FAM184B: variants seen among roughly 807,000 people sequenced by gnomAD.
FAM184B encodes the protein protein FAM184B.
FAM184B carries 111 observed loss-of-function variants against 135.9 expected under a neutral mutation model. That is an observed-to-expected ratio of 0.82 (90% CI 0.70 to 0.96). The LOEUF is 0.96. FAM184B is among the 40% of genes least tolerant of loss of function. The probability of loss-of-function intolerance (pLI) is 0.00; values close to 1 mark genes in which losing one functional copy is unlikely to be tolerated. For synonymous variants in FAM184B, 552 were observed against 524.8 expected (o/e 1.05, Z -0.71); for missense variants, 1,375 against 1,323.9 (o/e 1.04, Z -0.60).
At chr4:17,640,710 C>A (rs1027524661) in intron 13 of FAM184B, among the ~76,000 whole-genome samples, 1 of 152,126 alleles carries the variant, frequency 6.6e-6, no homozygotes, top group African/African-American at 2.4e-5. Flanking sequence ...TGCTAAAGCT[C>A]ACTTAAGAAA....
chr4:17,773,288 C>T (rs1040017684), intron 1 of FAM184B, among the ~76,000 whole-genome samples: 1 of 152,168 alleles, frequency 6.6e-6, no homozygotes, highest in Non-Finnish European at 1.5e-5. Flanking sequence ...ACTAAAGAAT[C>T]GTAAGGTGTT....
At chr4:17,766,740 G>A (rs551675021) in intron 1 of FAM184B, among the ~76,000 whole-genome samples, 2 of 152,358 alleles carry the variant, frequency 1.3e-5, no homozygotes, top group Non-Finnish European at 2.9e-5. Context: ...AGCCCAGCTG[G>A]TTTCACCTAG....
intron 7 of FAM184B, among the ~76,000 whole-genome samples, chr4:17,685,879 A>C (rs1577260213): frequency 6.6e-6 from 1 of 152,176 alleles, no homozygotes; most frequent in South Asian, 2.1e-4. Context: ...GCTCATGGAC[A>C]TCGTGACCAT....
At chr4:17,638,723 C>T (rs899458936) in intron 14 of FAM184B, among the ~76,000 whole-genome samples, 2 of 152,140 alleles carry the variant, frequency 1.3e-5, no homozygotes, top group East Asian at 3.8e-4. Context: ...CTGATTTCTT[C>T]GAAGTGTGAG....
chr4:17,694,117 C>T (rs909566655), intron 5 of FAM184B, among the ~76,000 whole-genome samples: 2 of 152,166 alleles, frequency 1.3e-5, no homozygotes, highest in Non-Finnish European at 2.9e-5. Context: ...TGTGTCATCT[C>T]GAGCACATTT....
chr4:17,691,158 C>G (rs143848473), intron 6 of FAM184B, among the ~76,000 whole-genome samples: 1 of 152,054 alleles, frequency 6.6e-6, no homozygotes, highest in East Asian at 1.9e-4. Flanking sequence ...AGGGTGGGGT[C>G]ATTAGAGCCA....
At chr4:17,635,710 C>T (rs978943648) in intron 15 of FAM184B, among the ~76,000 whole-genome samples, 2 of 149,970 alleles carry the variant, frequency 1.3e-5, no homozygotes, top group African/African-American at 2.4e-5. Flanking sequence ...TTTGTTCACA[C>T]GTAGCAAATG....
chr4:17,773,173 T>A (rs58744629), intron 1 of FAM184B, among the ~76,000 whole-genome samples: 2,139 of 152,182 alleles, frequency 0.014, 57 homozygotes, highest in African/African-American at 0.049. Flanking sequence ...GGGTCTCAGA[T>A]TCCCCCCTTC....
rs142850648 is a variant in FAM184B, at chr4:17,630,348, A to G, written c.*2184T>C. The G allele has an allele frequency of 2.0e-5, 3 of 152,268 alleles. No individual in the cohort carries two copies. Among genetic ancestry groups the G allele is most frequent in the East Asian group, 1.9e-4 (1 of 5,174 alleles). The allele number at this position is 152,268 out of a possible 1,614,324, so 9.4% of individuals were successfully genotyped here. A position where few individuals can be genotyped will look rare whatever the true frequency, so the allele number is the denominator to read the frequency against. On this transcript the variant is annotated 3_prime_UTR_variant, in exon 18 of 18. Transcript: ENST00000265018. ...TAAGAGGTGGGGCTTTTGGGAAGCA[A>G]TGGAGTCATGAGGGCTTCACCCTCA...
Position 17,633,851 on chromosome 4 carries a change from C to T in FAM184B, c.2927G>A (p.Ser976Asn), listed in dbSNP as rs191729460. ...KVEDVPSRVV[S>N]VPNLASYAKN... The stretch of plus-strand genomic sequence containing the variant: ...TGCATAGGAGGCGAGGTTCGGCACG[C>T]TGACCACGCGGCTGGGCACGTCCTC... Residue 976 changes from serine (S) to asparagine (N), a missense_variant, in exon 17 of 18, where the codon AGC becomes AAC. Physicochemically the swap from Ser to Asn is conservative, Grantham distance 46. Coordinates refer to ENST00000265018, the MANE Select transcript of FAM184B (RefSeq NM_015688.2). 1.3e-6 allele frequency: 2 copies of T among 1,551,236 alleles called. No homozygotes were observed. The highest frequency in any genetic ancestry group is 1.7e-6 in the Non-Finnish European group (2 of 1,146,848).
chr4:17,706,400 T>C (rs1223117093), intron 3 of FAM184B, among the ~76,000 whole-genome samples: 1 of 152,130 alleles, frequency 6.6e-6, no homozygotes, highest in Non-Finnish European at 1.5e-5. Flanking sequence ...ATGCACGTTA[T>C]TCGTCTGCTG....
chr4:17,741,878 CA>C (rs1208943185), intron 1 of FAM184B, among the ~76,000 whole-genome samples: 2 of 151,910 alleles, frequency 1.3e-5, no homozygotes, highest in Admixed American at 6.6e-5. Context: ...TGGTGGTTAC[CA>C]GTGGTTGGGG....
At chr4:17,646,427 G>A (rs1190215423) in intron 12 of FAM184B, among the ~76,000 whole-genome samples, 2 of 152,224 alleles carry the variant, frequency 1.3e-5, no homozygotes, top group Non-Finnish European at 2.9e-5. Flanking sequence ...CATGTCCTTT[G>A]TAGGGACATG....
intron 5 of FAM184B, among the ~76,000 whole-genome samples, chr4:17,701,013 G>T (rs961195281): frequency 6.6e-6 from 1 of 152,080 alleles, no homozygotes; most frequent in African/African-American, 2.4e-5. Flanking sequence ...AGAAAACAGA[G>T]GCCATAATGA....
intron 1 of FAM184B, among the ~76,000 whole-genome samples, chr4:17,728,784 A>T (rs536493758): frequency 9.1e-4 from 139 of 152,344 alleles, no homozygotes; most frequent in Non-Finnish European, 1.7e-3. Context: ...AAGATGGCCG[A>T]ATAGGAACAG....
chr4:17,756,787 C>T (rs891074191), intron 1 of FAM184B, among the ~76,000 whole-genome samples: 36 of 152,136 alleles, frequency 2.4e-4, no homozygotes, highest in African/African-American at 8.2e-4. Flanking sequence ...TAGCCAGGCA[C>T]GGTGGTGCAC....
At position 17,642,064 on chromosome 4, in the gene FAM184B, G is replaced by A; in HGVS notation, c.2511C>T (p.Asp837=). The A allele has an allele frequency of 6.5e-7, 1 of 1,530,784 alleles. No homozygotes were observed. The highest frequency in any genetic ancestry group is 8.7e-7 in the Non-Finnish European group (1 of 1,144,782). The allele number at this position is 1,530,784 out of a possible 1,614,324, so 94.8% of individuals were successfully genotyped here. Residue 837 remains aspartate (D), a synonymous_variant, in exon 13 of 18, where the codon GAC becomes GAT. Transcript: ENST00000265018. The part of the protein sequence containing the change: ...QHQQEAQKLR[D]QRRFLEETQQ... ...CGCGCCGGGTCACCCACCTGCGCTG[G>A]TCTCGGAGCTTCTGCGCCTCCTGCT...
At chr4:17,714,523 A>G (rs577383071) in intron 1 of FAM184B, among the ~76,000 whole-genome samples, 1 of 152,212 alleles carries the variant, frequency 6.6e-6, no homozygotes, top group East Asian at 1.9e-4. Context: ...TTATGGCAAT[A>G]ACTACCGTGT....
At chr4:17,760,275 C>T (rs1718515637) in intron 1 of FAM184B, among the ~76,000 whole-genome samples, 1 of 151,980 alleles carries the variant, frequency 6.6e-6, no homozygotes, top group African/African-American at 2.4e-5. Flanking sequence ...ACCAGCCTGG[C>T]CAACATGGTG....
Sources: gnomAD v4.1 joint callset for allele counts (sites outside exome capture counted in the v4.1 genomes callset) on GRCh38, gnomAD v4.1.1 for gene constraint, MANE v1.5 for transcripts, NCBI Gene and HGNC (gene_info 2026-07-23, HGNC 2026-07-21) for gene names.